Variants in SH3RF3 observed in about 807,000 individuals in gnomAD.
SH3RF3 encodes E3 ubiquitin-protein ligase SH3RF3.
A neutral mutation model predicts 66.3 loss-of-function variants in SH3RF3; 29 were observed. That is an observed-to-expected ratio of 0.44 (90% CI 0.33 to 0.60). SH3RF3 has a LOEUF of 0.60. SH3RF3 is among the 20% of genes least tolerant of loss of function. The pLI, the probability that SH3RF3 is intolerant of heterozygous loss-of-function variation, is 0.04. For synonymous variants in SH3RF3, 583 were observed against 532.0 expected (o/e 1.10, Z -1.32); for missense variants, 1,194 against 1,190.9 (o/e 1.00, Z -0.04).
chr2:109,323,100 C>T (rs1682068552), intron 1 of SH3RF3, among the ~76,000 whole-genome samples: 1 of 152,186 alleles, frequency 6.6e-6, no homozygotes, highest in Non-Finnish European at 1.5e-5. Flanking sequence ...TCTGCTTTTG[C>T]CACTGTGCCC....
chr2:109,237,019 G>C lies in SH3RF3; in HGVS notation c.573+106906G>C, dbSNP rs558942996. Among the ~76,000 whole-genome samples, 419 of 152,234 alleles carry C rather than the reference G, an allele frequency of 2.8e-3. 2 individuals carry two copies. Among genetic ancestry groups the C allele is most frequent in the African/African-American group, 9.8e-3 (406 of 41,516 alleles). On this transcript the variant is annotated intron_variant, in intron 1 of 9. Transcript: ENST00000309415. ...GATCAGGGGAAGCTAAACTTAGAAG[G>C]TAGAGAAGCCAACACAAATGAAAGC...
chr2:109,412,551 A>G (rs1676619486), intron 4 of SH3RF3, among the ~76,000 whole-genome samples: 1 of 152,220 alleles, frequency 6.6e-6, no homozygotes, highest in Non-Finnish European at 1.5e-5. Flanking sequence ...GCCTGGGAGC[A>G]CAGAACTGCC....
At chr2:109,391,879 A>G (rs1020018275) in intron 3 of SH3RF3, among the ~76,000 whole-genome samples, 4 of 152,062 alleles carry the variant, frequency 2.6e-5, no homozygotes, top group Admixed American at 2.0e-4. Flanking sequence ...TTACTCTGTC[A>G]CCCAGGCTGA....
At chr2:109,188,835 T>A (rs1678265115) in intron 1 of SH3RF3, among the ~76,000 whole-genome samples, 1 of 152,166 alleles carries the variant, frequency 6.6e-6, no homozygotes, top group Non-Finnish European at 1.5e-5. Flanking sequence ...CTTTCTAGGG[T>A]GCTTCTCTCT....
At chr2:109,236,997 C>G (rs917980042) in intron 1 of SH3RF3, among the ~76,000 whole-genome samples, 4 of 152,128 alleles carry the variant, frequency 2.6e-5, no homozygotes, top group African/African-American at 9.7e-5. Flanking sequence ...ACAGAAAGAT[C>G]AGGGGAAGCT....
At chr2:109,393,690 G>A (rs919058661) in intron 3 of SH3RF3, among the ~76,000 whole-genome samples, 3 of 151,724 alleles carry the variant, frequency 2.0e-5, no homozygotes. Context: ...CTTGTATCGC[G>A]CTCCCAAGCC....
At chr2:109,251,486 A>G (rs537317674) in intron 1 of SH3RF3, 394 of 740,512 alleles carry the variant, frequency 5.3e-4, no homozygotes, top group Non-Finnish European at 9.2e-4. Context: ...TTGAAATTAA[A>G]TGGTGGCAGA....
chr2:109,249,491 TTC>T (rs1232571294), intron 1 of SH3RF3, among the ~76,000 whole-genome samples: 751 of 24,620 alleles, frequency 0.031, 9 homozygotes, highest in African/African-American at 0.17. Context: ...CTTTCTTTCT[TTC>T]TTTCTTTCTT....
intron 1 of SH3RF3, among the ~76,000 whole-genome samples, chr2:109,242,135 T>G (rs1300337350): frequency 6.6e-6 from 1 of 152,108 alleles, no homozygotes; most frequent in Non-Finnish European, 1.5e-5. Flanking sequence ...CTGGTCATGG[T>G]GGGCTCCCTG....
chr2:109,141,983 G>C (rs752842476), intron 1 of SH3RF3, among the ~76,000 whole-genome samples: 17 of 152,002 alleles, frequency 1.1e-4, no homozygotes, highest in Admixed American at 1.3e-4. Context: ...ACCTCCTCTG[G>C]TGTGTGGCCA....
intron 1 of SH3RF3, among the ~76,000 whole-genome samples, chr2:109,264,604 A>C (rs914491502): frequency 1.3e-5 from 2 of 152,266 alleles, no homozygotes; most frequent in Non-Finnish European, 2.9e-5. Flanking sequence ...ATGAGCTGAC[A>C]GTTGGATGTC....
Position 109,269,355 on chromosome 2 carries a change from T to C in SH3RF3, c.574-78319T>C, listed in dbSNP as rs576630764. Among the ~76,000 whole-genome samples, 27 of 152,228 alleles carry C rather than the reference T, an allele frequency of 1.8e-4. 1 individual carries two copies. In the South Asian group the frequency reaches 5.4e-3, roughly 30 times the overall value. On this transcript the variant is annotated intron_variant, in intron 1 of 9. Transcript: ENST00000309415. ...TCCCCCCGGGAGAACAGAGGGAGCC[T>C]CCCCACACACCGTGTAATTTCCAGA...
At chr2:109,330,292 A>G (rs1452994034) in intron 1 of SH3RF3, among the ~76,000 whole-genome samples, 2 of 152,032 alleles carry the variant, frequency 1.3e-5, no homozygotes, top group South Asian at 2.1e-4. Flanking sequence ...TTCAGATGTT[A>G]TTGCGAAACT....
intron 4 of SH3RF3, among the ~76,000 whole-genome samples, chr2:109,399,924 C>T (rs1039496964): frequency 6.6e-6 from 1 of 152,202 alleles, no homozygotes; most frequent in Non-Finnish European, 1.5e-5. Flanking sequence ...TCCATTTCTC[C>T]CTGCGCTGCA....
At chr2:109,304,867 A>T (rs1220900996) in intron 1 of SH3RF3, among the ~76,000 whole-genome samples, 1 of 152,184 alleles carries the variant, frequency 6.6e-6, no homozygotes, top group African/African-American at 2.4e-5. Flanking sequence ...TCAGAGAGCC[A>T]CCTTAGAAGA....
At chr2:109,394,587 G>T (rs1373444283) in intron 3 of SH3RF3, among the ~76,000 whole-genome samples, 1 of 152,220 alleles carries the variant, frequency 6.6e-6, no homozygotes, top group Non-Finnish European at 1.5e-5. Flanking sequence ...ATTTTGTATG[G>T]AAGTTGAAAA....
chr2:109,299,994 C>T (rs1681416345), intron 1 of SH3RF3, among the ~76,000 whole-genome samples: 1 of 152,170 alleles, frequency 6.6e-6, no homozygotes, highest in African/African-American at 2.4e-5. Context: ...TTCGCTCTTT[C>T]TTCAAGAATT....
intron 1 of SH3RF3, among the ~76,000 whole-genome samples, chr2:109,136,961 T>C (rs1442172078): frequency 6.6e-6 from 1 of 152,196 alleles, no homozygotes; most frequent in African/African-American, 2.4e-5. Context: ...GCTGATGCTT[T>C]TCTCTCTCTG....
rs56236635 is a variant in SH3RF3, at chr2:109,179,003, A to ATGTGTGTGTGTGTGTGTG, written c.573+48906_573+48923dup. ...ACTTTTTTTCTTATAAAGTATAATA[A>ATGTGTGTGTGTGTGTGTG]TGTGTGTGTGTGTGTGTGTGTGTGT... On this transcript the variant is annotated intron_variant, in intron 1 of 9. Transcript: ENST00000309415. Among the ~76,000 whole-genome samples, 583 of 142,138 alleles carry ATGTGTGTGTGTGTGTGTG rather than the reference A, an allele frequency of 4.1e-3. 3 individuals are homozygous for ATGTGTGTGTGTGTGTGTG. Among genetic ancestry groups the ATGTGTGTGTGTGTGTGTG allele is most frequent in the Middle Eastern group, 0.011 (3 of 268 alleles). The allele number at this position is 142,138 out of a possible 152,430, so 93.2% of individuals were successfully genotyped here.
Sources: allele counts gnomAD v4.1 joint callset (sites outside exome capture counted in the v4.1 genomes callset), GRCh38; gene constraint gnomAD v4.1.1; transcripts MANE v1.5; gene names NCBI Gene and HGNC (gene_info 2026-07-23, HGNC 2026-07-21).